The following BLOC1S2 variants were observed in gnomAD, a reference collection of about 807,000 sequenced individuals.
The protein encoded by BLOC1S2 is biogenesis of lysosome-related organelles complex 1 subunit 2.
BLOC1S2 carries 12 observed loss-of-function variants against 19.6 expected under a neutral mutation model. The observed-to-expected ratio is 0.61, with a 90% CI of 0.39 to 0.99. The LOEUF (loss-of-function observed/expected upper bound fraction) is 0.99. Ranked by LOEUF, BLOC1S2 falls within the 50% of genes least tolerant of loss-of-function variation. BLOC1S2 has a pLI of 0.00. For missense variants in BLOC1S2, 142 were observed against 171.0 expected, an observed-to-expected ratio of 0.83 and a Z score of 0.95; for synonymous variants, 66 against 64.1, an observed-to-expected ratio of 1.03 and a Z score of -0.14.
In BLOC1S2 at chr10:100,286,090, G is replaced by A; in HGVS notation, c.172+7C>T. Reference sequence around the variant, plus strand: ...CCGCACCCGAATCAACCCAGACCCCGCCTCACCCGTCAGTTCCCCAGTCAG... The same window carrying A: ...CCGCACCCGAATCAACCCAGACCCCACCTCACCCGTCAGTTCCCCAGTCAG... On this transcript the variant is annotated splice_region_variant and intron_variant, in intron 2 of 4. Coordinates refer to ENST00000370372, the MANE Select transcript of BLOC1S2 (RefSeq NM_173809.5). 6.2e-7 allele frequency: 1 copy of A among 1,613,068 alleles called. No homozygotes were observed. The highest frequency in any genetic ancestry group is 8.5e-7 in the Non-Finnish European group (1 of 1,179,528).
At chr10:100,278,171 C>A (rs1439445438) in intron 4 of BLOC1S2, among the ~76,000 whole-genome samples, 3 of 146,954 alleles carry the variant, frequency 2.0e-5, no homozygotes, top group Admixed American at 6.6e-5. Flanking sequence ...GGGGGGTCAG[C>A]CCCCTACCCG....
rs1374122716 is a variant in BLOC1S2, at chr10:100,274,225, T to C, written c.*1237A>G. The C allele has an allele frequency of 6.6e-6, 1 of 152,216 alleles. No individual in the cohort carries two copies. The highest frequency in any genetic ancestry group is 1.5e-5 in the Non-Finnish European group (1 of 68,062). The allele number at this position is 152,216 out of a possible 1,614,324, so 9.4% of individuals were successfully genotyped here. On this transcript the variant is annotated 3_prime_UTR_variant, in exon 5 of 5. Coordinates refer to ENST00000370372, the MANE Select transcript of BLOC1S2 (RefSeq NM_173809.5). ...ATTATCACACCACCACACTCCAGCC[T>C]GGGTGACAATAGAGACCCTGTCTAT...
At chr10:100,286,044 T>G in intron 2 of BLOC1S2, 53 bp downstream of exon 2, 1 of 1,599,804 alleles carries the variant, frequency 6.3e-7, no homozygotes, top group Non-Finnish European at 8.5e-7. Context: ...GCTAACCATC[T>G]CCCAGGCCTC....
intron 4 of BLOC1S2, among the ~76,000 whole-genome samples, chr10:100,275,874 T>C (rs1249915731): frequency 1.3e-5 from 2 of 152,204 alleles, no homozygotes; most frequent in African/African-American, 2.4e-5. Flanking sequence ...GAAGTATAAA[T>C]GTATGTTTCC....
intron 2 of BLOC1S2, among the ~76,000 whole-genome samples, chr10:100,281,801 T>C (rs1019939660): frequency 6.6e-6 from 1 of 152,048 alleles, no homozygotes; most frequent in Non-Finnish European, 1.5e-5. Context: ...TGTATAATTC[T>C]ATATTGCATT....
intron 4 of BLOC1S2, among the ~76,000 whole-genome samples, chr10:100,278,594 C>T (rs1422454942): frequency 1.3e-5 from 2 of 152,068 alleles, no homozygotes; most frequent in Admixed American, 1.3e-4. Flanking sequence ...GGATTAAGGG[C>T]GGTGCAAGAT....
At position 100,281,695 on chromosome 10, in the gene BLOC1S2, T is replaced by A. The variant is rs1224952734; in HGVS notation, c.173-642A>T. 4.1e-3 allele frequency among the ~76,000 whole-genome samples: 350 copies of A among 85,224 alleles called. 5 individuals are homozygous for A. The South Asian group carries it at 0.055, about 13-fold the overall frequency. 55.9% of individuals were successfully genotyped at this position (85,224 alleles called of 152,430 possible). On this transcript the variant is annotated intron_variant, in intron 2 of 4. Transcript: ENST00000370372. ...GAGACTCCATCTCAAAAAAAAAAAA[T>A]ATATATATATACACATACACACACA... is the stretch of plus-strand genomic sequence containing the variant.
intron 4 of BLOC1S2, among the ~76,000 whole-genome samples, chr10:100,276,967 G>A (rs1847897051): frequency 6.6e-6 from 1 of 150,712 alleles, no homozygotes; most frequent in Non-Finnish European, 1.5e-5. Flanking sequence ...GCTGCCCATC[G>A]TCTGGGATGT....
intron 4 of BLOC1S2, among the ~76,000 whole-genome samples, chr10:100,278,020 C>CG: frequency 7.4e-6 from 1 of 134,806 alleles, no homozygotes; most frequent in East Asian, 2.3e-4. Context: ...AGGGAATCAG[C>CG]CCCCCGCCCG....
chr10:100,285,419 GGCC>G (rs1848210346), intron 2 of BLOC1S2, among the ~76,000 whole-genome samples: 1 of 152,060 alleles, frequency 6.6e-6, no homozygotes, highest in Non-Finnish European at 1.5e-5. Flanking sequence ...CCGCCACCAC[GGCC>G]GGCTAATTTT....
At chr10:100,279,888 AC>A (rs1453414003) in intron 4 of BLOC1S2, among the ~76,000 whole-genome samples, 1 of 152,218 alleles carries the variant, frequency 6.6e-6, no homozygotes, top group Non-Finnish European at 1.5e-5. Flanking sequence ...CTCAAAAAAA[AC>A]AAACCAAAAA....
intron 2 of BLOC1S2, 149 bp downstream of exon 2, chr10:100,285,948 T>C: frequency 9.3e-7 from 1 of 1,073,130 alleles, no homozygotes; most frequent in Non-Finnish European, 1.3e-6. Flanking sequence ...TTGTATTTTC[T>C]TTCTCTCCCA....
intron 2 of BLOC1S2, among the ~76,000 whole-genome samples, chr10:100,284,499 T>C (rs1405807583): frequency 6.6e-6 from 1 of 152,142 alleles, no homozygotes; most frequent in East Asian, 1.9e-4. Context: ...ATCTCTATTA[T>C]TTATTTATTT....
At chr10:100,277,817 C>A (rs1589647969) in intron 4 of BLOC1S2, among the ~76,000 whole-genome samples, 20 of 127,422 alleles carry the variant, frequency 1.6e-4, no homozygotes, top group African/African-American at 2.7e-4. Flanking sequence ...CCAGCCGCCC[C>A]GTCCGGGAGG....
intron 3 of BLOC1S2, among the ~76,000 whole-genome samples, chr10:100,280,558 A>G (rs563058173): frequency 2.4e-4 from 36 of 152,348 alleles, no homozygotes; most frequent in Non-Finnish European, 4.6e-4. Context: ...AGAAACACAA[A>G]AATAATAAGT....
At chr10:100,276,881 GC>G (rs1230590735) in intron 4 of BLOC1S2, among the ~76,000 whole-genome samples, 2 of 152,108 alleles carry the variant, frequency 1.3e-5, no homozygotes, top group Non-Finnish European at 1.5e-5. Context: ...GCCTGCCTTG[GC>G]CCCCCCAAAG....
At chr10:100,278,756 G>A (rs1458107514) in intron 4 of BLOC1S2, among the ~76,000 whole-genome samples, 4 of 151,208 alleles carry the variant, frequency 2.6e-5, no homozygotes, top group Non-Finnish European at 5.9e-5. Context: ...CTCCACTAGT[G>A]TCCTATGACC....
At chr10:100,281,705 T>TATAC (rs1370530311) in intron 2 of BLOC1S2, among the ~76,000 whole-genome samples, 1,660 of 69,868 alleles carry the variant, frequency 0.024, 53 homozygotes, top group African/African-American at 0.078. Context: ...TATATATATA[T>TATAC]ACACATACAC....
intron 4 of BLOC1S2, among the ~76,000 whole-genome samples, chr10:100,279,429 A>G (rs1156873907): frequency 2.6e-5 from 4 of 152,162 alleles, no homozygotes; most frequent in Admixed American, 2.6e-4. Flanking sequence ...TGCCTACAAA[A>G]TGAGGATAAA....
Sources: allele counts gnomAD v4.1 joint callset (sites outside exome capture counted in the v4.1 genomes callset), GRCh38; gene constraint gnomAD v4.1.1; transcripts MANE v1.5; gene names NCBI Gene and HGNC (gene_info 2026-07-23, HGNC 2026-07-21).